Variants in ROBO2 observed in about 807,000 individuals in gnomAD.
ROBO2 encodes roundabout homolog 2.
Under a neutral mutation model 160.8 loss-of-function variants are expected in ROBO2, and 53 were observed. The observed-to-expected ratio is 0.33, with a 90% CI of 0.26 to 0.41. The LOEUF (loss-of-function observed/expected upper bound fraction) is 0.41, where lower values mean the gene tolerates loss of function less well. Among genes scored for constraint, ROBO2 ranks in the 10% least tolerant of loss-of-function variants. The pLI is 1.00. For missense variants in ROBO2, 1,577 were observed against 1,722.4 expected (o/e 0.92, Z 1.49); for synonymous variants, 664 against 611.7 (o/e 1.09, Z -1.26).
intron 2 of ROBO2, among the ~76,000 whole-genome samples, chr3:75,987,817 G>C (rs569146278): frequency 6.6e-5 from 10 of 151,928 alleles, no homozygotes; most frequent in African/African-American, 2.2e-4. Flanking sequence ...TTTTTCCCTT[G>C]TGTTAATATG....
At chr3:77,625,891 A>C (rs1465641684) in intron 23 of ROBO2, among the ~76,000 whole-genome samples, 1 of 152,196 alleles carries the variant, frequency 6.6e-6, no homozygotes, top group African/African-American at 2.4e-5. Flanking sequence ...TAAAGTTTTA[A>C]TGTATATTAA....
chr3:76,702,787 C>CA (rs992760686), intron 2 of ROBO2, among the ~76,000 whole-genome samples: 5 of 151,648 alleles, frequency 3.3e-5, no homozygotes, highest in African/African-American at 1.2e-4. Flanking sequence ...GGAGATAAAA[C>CA]AAAAAAAGTC....
At chr3:77,383,979 A>G (rs2073834337) in intron 2 of ROBO2, among the ~76,000 whole-genome samples, 2 of 152,306 alleles carry the variant, frequency 1.3e-5, no homozygotes, top group Admixed American at 6.5e-5. Flanking sequence ...GTTCTATCAA[A>G]CATTGGAGAA....
chr3:76,361,865 GAGTA>G (rs2075542901), intron 2 of ROBO2, among the ~76,000 whole-genome samples: 1 of 152,080 alleles, frequency 6.6e-6, no homozygotes, highest in African/African-American at 2.4e-5. Flanking sequence ...ATTTAAGAAA[GAGTA>G]AGGTGTACAA....
At chr3:76,401,581 G>T (rs1380164407) in intron 2 of ROBO2, among the ~76,000 whole-genome samples, 2 of 151,498 alleles carry the variant, frequency 1.3e-5, no homozygotes, top group Non-Finnish European at 3.0e-5. Context: ...ACCAGTAAGA[G>T]TTGAAATTTA....
intron 2 of ROBO2, among the ~76,000 whole-genome samples, chr3:77,219,435 T>TATATATATATATATAC (rs1491354890): frequency 3.7e-5 from 1 of 27,258 alleles, no homozygotes; most frequent in Non-Finnish European, 6.7e-5. Flanking sequence ...TATGTGTGTG[T>TATATATATATATATAC]ATATATATAT....
chr3:76,411,160 T>G (rs997836295), intron 2 of ROBO2, among the ~76,000 whole-genome samples: 2 of 152,070 alleles, frequency 1.3e-5, no homozygotes, highest in Non-Finnish European at 2.9e-5. Flanking sequence ...AGAGCCAAAA[T>G]TATAAATAGC....
At chr3:76,563,469 T>C (rs2084325025) in intron 2 of ROBO2, among the ~76,000 whole-genome samples, 1 of 152,220 alleles carries the variant, frequency 6.6e-6, no homozygotes, top group African/African-American at 2.4e-5. Context: ...TTTATCATTA[T>C]TATTCTTGTC....
At chr3:77,209,604 G>A (rs1196518417) in intron 2 of ROBO2, among the ~76,000 whole-genome samples, 4 of 152,086 alleles carry the variant, frequency 2.6e-5, no homozygotes, top group African/African-American at 7.2e-5. Context: ...ATTGACAACC[G>A]AGGCAAATTA....
At chr3:76,277,438 C>G (rs1376058792) in intron 2 of ROBO2, among the ~76,000 whole-genome samples, 1 of 151,840 alleles carries the variant, frequency 6.6e-6, no homozygotes, top group Non-Finnish European at 1.5e-5. Flanking sequence ...AGTAGGTCCT[C>G]TAGGGATAGG....
chr3:76,893,902 A>G (rs2074555630), intron 2 of ROBO2, among the ~76,000 whole-genome samples: 2 of 152,114 alleles, frequency 1.3e-5, no homozygotes, highest in South Asian at 2.1e-4. Context: ...TAGCTCCCAT[A>G]TATGAGTGAG....
chr3:76,651,424 T>A (rs1011789033), intron 2 of ROBO2, among the ~76,000 whole-genome samples: 1 of 152,162 alleles, frequency 6.6e-6, no homozygotes, highest in African/African-American at 2.4e-5. Flanking sequence ...CTCTGTCTTA[T>A]ATGTTTTTGT....
chr3:75,920,547 G>T (rs568562233), intron 1 of ROBO2, among the ~76,000 whole-genome samples: 7 of 152,074 alleles, frequency 4.6e-5, no homozygotes, highest in Admixed American at 4.6e-4. Flanking sequence ...TATTAGGTCC[G>T]CTTGGACCAG....
intron 2 of ROBO2, among the ~76,000 whole-genome samples, chr3:76,636,313 A>T (rs1388719662): frequency 6.6e-6 from 1 of 152,212 alleles, no homozygotes; most frequent in Non-Finnish European, 1.5e-5. Flanking sequence ...TGTTTATGTC[A>T]TGTGCTGGTG....
chr3:76,078,724 C>T (rs905656493), intron 2 of ROBO2, among the ~76,000 whole-genome samples: 2 of 132,014 alleles, frequency 1.5e-5, no homozygotes, highest in African/African-American at 2.9e-5. Context: ...TAATGTAACA[C>T]AATATTTTAA....
intron 2 of ROBO2, among the ~76,000 whole-genome samples, chr3:76,338,676 C>A (rs544558744): frequency 9.3e-5 from 14 of 150,996 alleles, no homozygotes; most frequent in Non-Finnish European, 1.8e-4. Context: ...CAAGATCATG[C>A]TTCTTTTTTA....
At chr3:76,084,520 T>C (rs1460218802) in intron 2 of ROBO2, among the ~76,000 whole-genome samples, 7 of 152,176 alleles carry the variant, frequency 4.6e-5, no homozygotes, top group Non-Finnish European at 1.5e-5. Flanking sequence ...ACACAGTTAA[T>C]TGAGGCATAG....
At chr3:77,324,481 T>C (rs527983123) in intron 2 of ROBO2, among the ~76,000 whole-genome samples, 16 of 152,134 alleles carry the variant, frequency 1.1e-4, no homozygotes, top group Non-Finnish European at 2.2e-4. Context: ...CAAGTCAAAA[T>C]ACTACCATAC....
At chr3:76,359,506 T>C (rs946369435) in intron 2 of ROBO2, among the ~76,000 whole-genome samples, 1 of 152,036 alleles carries the variant, frequency 6.6e-6, no homozygotes, top group African/African-American at 2.4e-5. Flanking sequence ...AAAACCTAAG[T>C]GCACTAGTGA....
Sources: gnomAD v4.1 joint callset for allele counts (sites outside exome capture counted in the v4.1 genomes callset) on GRCh38, gnomAD v4.1.1 for gene constraint, MANE v1.5 for transcripts, NCBI Gene and HGNC (gene_info 2026-07-23, HGNC 2026-07-21) for gene names.